The following NCALD variants were observed in gnomAD, a reference collection of about 807,000 sequenced individuals.
NCALD encodes the protein neurocalcin-delta.
A neutral mutation model predicts 18.6 loss-of-function variants in NCALD; 10 were observed. That is an observed-to-expected ratio of 0.54 (90% confidence interval 0.33 to 0.91). The LOEUF (loss-of-function observed/expected upper bound fraction) is 0.91. Among genes scored for constraint, NCALD ranks in the 40% least tolerant of loss-of-function variants. The pLI, the probability that NCALD is intolerant of heterozygous loss-of-function variation, is 0.03. For missense variants in NCALD, 184 were observed against 247.6 expected (o/e 0.74, Z 1.72); for synonymous variants, 88 against 87.4 (o/e 1.01, Z -0.04).
intron 1 of NCALD, among the ~76,000 whole-genome samples, chr8:102,086,773 A>T (rs1395304546): frequency 6.6e-6 from 1 of 152,232 alleles, no homozygotes; most frequent in Admixed American, 6.5e-5. Flanking sequence ...CAGACTGTTA[A>T]AGCATTCAAA....
intron 3 of NCALD, among the ~76,000 whole-genome samples, chr8:101,888,398 T>C (rs999456162): frequency 2.0e-5 from 3 of 151,318 alleles, no homozygotes; most frequent in Non-Finnish European, 4.4e-5. Flanking sequence ...CTTTCTTTTT[T>C]ATTTATTTAT....
intron 1 of NCALD, among the ~76,000 whole-genome samples, chr8:102,048,108 A>ATAAT (rs1214818917): frequency 6.6e-6 from 1 of 152,230 alleles, no homozygotes; most frequent in Non-Finnish European, 1.5e-5. Flanking sequence ...ACATAAAAAT[A>ATAAT]TAATTAATTA....
At chr8:102,104,216 G>C (rs933432552) in intron 1 of NCALD, among the ~76,000 whole-genome samples, 2 of 152,120 alleles carry the variant, frequency 1.3e-5, no homozygotes, top group African/African-American at 4.8e-5. Context: ...TAAGATCATC[G>C]ATATATAAAC....
At chr8:102,077,249 C>T (rs1043579207) in intron 1 of NCALD, among the ~76,000 whole-genome samples, 1 of 152,108 alleles carries the variant, frequency 6.6e-6, no homozygotes, top group African/African-American at 2.4e-5. Flanking sequence ...GGATCATTTC[C>T]CCACTGCCTG....
At chr8:101,706,048 C>T (rs1815505187) in intron 2 of NCALD, among the ~76,000 whole-genome samples, 1 of 152,106 alleles carries the variant, frequency 6.6e-6, no homozygotes, top group Non-Finnish European at 1.5e-5. Context: ...GAGTAAAGGC[C>T]TCTTTGGAGG....
intron 3 of NCALD, among the ~76,000 whole-genome samples, chr8:101,894,392 T>G (rs1360284025): frequency 7.6e-6 from 1 of 131,002 alleles, no homozygotes; most frequent in East Asian, 2.1e-4. Flanking sequence ...TAGCACTAAA[T>G]GCCCACAAGA....
At chr8:101,703,056 C>T (rs949646796) in intron 2 of NCALD, among the ~76,000 whole-genome samples, 3 of 152,102 alleles carry the variant, frequency 2.0e-5, no homozygotes, top group Admixed American at 2.0e-4. Context: ...CATCTATGAA[C>T]AGTTTATGAA....
intron 1 of NCALD, among the ~76,000 whole-genome samples, chr8:101,723,208 T>C (rs933313093): frequency 6.6e-6 from 1 of 152,226 alleles, no homozygotes; most frequent in Non-Finnish European, 1.5e-5. Flanking sequence ...CATTAAAACA[T>C]TTATTTTGTG....
intron 1 of NCALD, among the ~76,000 whole-genome samples, chr8:101,722,427 G>A (rs75082238): frequency 0.016 from 2,396 of 152,204 alleles, 58 homozygotes; most frequent in African/African-American, 0.055. Context: ...GACATTTTAT[G>A]GAATTTACAA....
intron 4 of NCALD, among the ~76,000 whole-genome samples, chr8:101,856,245 C>T (rs570288210): frequency 1.3e-5 from 2 of 152,282 alleles, no homozygotes; most frequent in South Asian, 2.1e-4. Context: ...AATCTTGACT[C>T]ACTGCAACCT....
At chr8:101,752,212 C>T (rs1478761692) in intron 1 of NCALD, among the ~76,000 whole-genome samples, 1 of 152,078 alleles carries the variant, frequency 6.6e-6, no homozygotes, top group Non-Finnish European at 1.5e-5. Context: ...AGCTATAATT[C>T]AGTGAAGTTG....
At chr8:101,803,875 G>A (rs927117706) in intron 4 of NCALD, among the ~76,000 whole-genome samples, 4 of 152,216 alleles carry the variant, frequency 2.6e-5, no homozygotes, top group African/African-American at 9.6e-5. Context: ...AGTAAGGTTT[G>A]AGAGGATTGA....
At chr8:102,100,571 A>G (rs1420744417) in intron 1 of NCALD, among the ~76,000 whole-genome samples, 4 of 152,220 alleles carry the variant, frequency 2.6e-5, no homozygotes, top group Non-Finnish European at 5.9e-5. Flanking sequence ...CAAGAAACAT[A>G]AATGCTTGAG....
chr8:101,872,207 C>A, intron 4 of NCALD: 2 of 1,538,962 alleles, frequency 1.3e-6, no homozygotes, highest in Non-Finnish European at 1.8e-6. Flanking sequence ...TGCAAGATGA[C>A]CCACAAGCCC....
At chr8:101,715,463 G>A (rs1312030564) in intron 2 of NCALD, among the ~76,000 whole-genome samples, 1 of 148,478 alleles carries the variant, frequency 6.7e-6, no homozygotes, top group African/African-American at 2.6e-5. Context: ...GGTAACAAAA[G>A]CCAATGGGAC....
intron 4 of NCALD, among the ~76,000 whole-genome samples, chr8:101,797,609 A>T (rs1367176888): frequency 6.6e-6 from 1 of 152,192 alleles, no homozygotes; most frequent in Non-Finnish European, 1.5e-5. Flanking sequence ...CGAGGTCAAG[A>T]GATTGAGACC....
At chr8:101,916,017 G>C (rs1817960360) in intron 2 of NCALD, among the ~76,000 whole-genome samples, 1 of 152,118 alleles carries the variant, frequency 6.6e-6, no homozygotes, top group African/African-American at 2.4e-5. Context: ...TTGGAAAAGA[G>C]AGTGCAGGTT....
At chr8:101,785,702 C>T (rs80230859) in intron 1 of NCALD, among the ~76,000 whole-genome samples, 4,171 of 152,212 alleles carry the variant, frequency 0.027, 115 homozygotes, top group African/African-American at 0.071. Flanking sequence ...AGACTCCTTT[C>T]ATAAAATACA....
At chr8:101,713,687 T>G (rs970424179) in intron 2 of NCALD, among the ~76,000 whole-genome samples, 1 of 151,886 alleles carries the variant, frequency 6.6e-6, no homozygotes, top group South Asian at 2.1e-4. Flanking sequence ...CAAGAAGAAA[T>G]GGATAAATTC....
Sources: allele counts gnomAD v4.1 joint callset (sites outside exome capture counted in the v4.1 genomes callset), GRCh38; gene constraint gnomAD v4.1.1; transcripts MANE v1.5; gene names NCBI Gene and HGNC (gene_info 2026-07-23, HGNC 2026-07-21).